The following MRTFA variants were observed in gnomAD, a reference collection of about 807,000 sequenced individuals.
MRTFA encodes myocardin-related transcription factor A.
Under a neutral mutation model 83.5 loss-of-function variants are expected in MRTFA, and 20 were observed. The observed-to-expected ratio is 0.24, with a 90% CI of 0.17 to 0.35. MRTFA has a LOEUF of 0.35. MRTFA is among the 10% of genes least tolerant of loss of function. The probability of loss-of-function intolerance (pLI) is 1.00; values close to 1 mark genes in which losing one functional copy is unlikely to be tolerated. For synonymous variants in MRTFA, 659 were observed against 541.2 expected (o/e 1.22, Z -3.02); for missense variants, 1,200 against 1,224.7 (o/e 0.98, Z 0.30).
intron 7 of MRTFA, among the ~76,000 whole-genome samples, chr22:40,425,822 C>T (rs1313126964): frequency 6.6e-6 from 1 of 152,178 alleles, no homozygotes; most frequent in Non-Finnish European, 1.5e-5. Context: ...TTAGTCCAAC[C>T]CAAGGAAGCT....
chr22:40,604,701 C>T (rs1404666727), intron 1 of MRTFA, among the ~76,000 whole-genome samples: 1 of 151,852 alleles, frequency 6.6e-6, no homozygotes, highest in Non-Finnish European at 1.5e-5. Flanking sequence ...GAGCCAAGAT[C>T]GCGCCATTGC....
chr22:40,596,541 C>A (rs1431232900), intron 1 of MRTFA, among the ~76,000 whole-genome samples: 3 of 152,132 alleles, frequency 2.0e-5, no homozygotes, highest in Admixed American at 2.0e-4. Context: ...GTGACTCACG[C>A]CTGTAATCCC....
intron 1 of MRTFA, among the ~76,000 whole-genome samples, chr22:40,601,608 G>C (rs1484776769): frequency 6.6e-6 from 1 of 152,008 alleles, no homozygotes; most frequent in Non-Finnish European, 1.5e-5. Flanking sequence ...TTTATAATAA[G>C]TTAATTTCAG....
chr22:40,509,867 G>A (rs2054638021), intron 3 of MRTFA, among the ~76,000 whole-genome samples: 1 of 150,144 alleles, frequency 6.7e-6, no homozygotes, highest in African/African-American at 2.5e-5. Flanking sequence ...AAGGCCATGA[G>A]GTTAAACATT....
chr22:40,437,840 G>A (rs1448203228), intron 4 of MRTFA, among the ~76,000 whole-genome samples: 1 of 151,186 alleles, frequency 6.6e-6, no homozygotes, highest in Non-Finnish European at 1.5e-5. Context: ...TTTACAACAT[G>A]TCCCCATCAG....
In MRTFA at chr22:40,420,003, C is replaced by T. The variant is rs575046770; in HGVS notation, c.1353+402G>A. The stretch of plus-strand genomic sequence containing the variant: ...GGTTGCTACTGGACAGTCCTGTCTA[C>T]ACTGACCAGGTCTGCGACTGTGGAC... On this transcript the variant is annotated intron_variant, in intron 11 of 14. Coordinates refer to ENST00000355630, the MANE Select transcript of MRTFA (RefSeq NM_020831.6). Among the ~76,000 whole-genome samples, 15 of 152,344 alleles carry T rather than the reference C, an allele frequency of 9.8e-5. No individual in the cohort carries two copies. The South Asian group carries it at 2.9e-3, about 29-fold the overall frequency.
intron 2 of MRTFA, among the ~76,000 whole-genome samples, chr22:40,558,914 T>C (rs529246381): frequency 1.3e-5 from 2 of 151,570 alleles, no homozygotes; most frequent in African/African-American, 4.8e-5. Context: ...GCCTCCCGAG[T>C]AGCTGGGATT....
In MRTFA at chr22:40,561,212, CTGTG is replaced by C. The variant is rs60830555; in HGVS notation, c.-21-8849_-21-8846del. ...TGGGTATCTCTGTGTGTGTGTGTGT[CTGTG>C]TGTGTGTGTGTGTGTGTGTAAAATC... On this transcript the variant is annotated intron_variant, in intron 2 of 14. Transcript: ENST00000355630. Among the ~76,000 whole-genome samples the C allele has an allele frequency of 9.9e-4, 145 of 145,926 alleles. No individual in the cohort carries two copies. In the East Asian group the frequency reaches 0.013, roughly 13 times the overall value.
chr22:40,470,277 A>ATATATG (rs2053885665), intron 3 of MRTFA, among the ~76,000 whole-genome samples: 2 of 116,452 alleles, frequency 1.7e-5, no homozygotes, highest in African/African-American at 3.3e-5. Context: ...ATATATATAT[A>ATATATG]TATAAAGAAA....
chr22:40,501,959 G>A (rs1341545729), intron 3 of MRTFA, among the ~76,000 whole-genome samples: 4 of 120,484 alleles, frequency 3.3e-5, no homozygotes, highest in Admixed American at 7.5e-5. Flanking sequence ...CCTCCCAGAC[G>A]GGGCGGCTGG....
chr22:40,416,554 G>C lies in MRTFA; in HGVS notation c.2578+432C>G, dbSNP rs540883522. Among the ~76,000 whole-genome samples, 1 of 152,170 alleles carries C rather than the reference G, an allele frequency of 6.6e-6. No individual in the cohort carries two copies. Among genetic ancestry groups the C allele is most frequent in the Non-Finnish European group, 1.5e-5 (1 of 68,028 alleles). ...CAACCCGCCAGGTACTCCCGAGGCCGCACAGATGCACACAGCTGCCCCTGC... is the reference window on the plus strand; with the variant it reads ...CAACCCGCCAGGTACTCCCGAGGCCCCACAGATGCACACAGCTGCCCCTGC... On this transcript the variant is annotated intron_variant, in intron 14 of 14. Coordinates refer to ENST00000355630, the MANE Select transcript of MRTFA (RefSeq NM_020831.6). This position sits in a 1 kb window ranked among gnomAD's most constrained non-coding sequence, Gnocchi z 4.2.
At chr22:40,597,086 T>C (rs940235995) in intron 1 of MRTFA, among the ~76,000 whole-genome samples, 2 of 152,196 alleles carry the variant, frequency 1.3e-5, no homozygotes, top group African/African-American at 4.8e-5. Context: ...TGTCCCCAGG[T>C]TTTCTTCTTC....
At chr22:40,451,512 T>C (rs1190885552) in intron 4 of MRTFA, among the ~76,000 whole-genome samples, 1 of 152,128 alleles carries the variant, frequency 6.6e-6, no homozygotes, top group Non-Finnish European at 1.5e-5. Flanking sequence ...AGAATGAATG[T>C]AAGAAGTGGA....
intron 3 of MRTFA, among the ~76,000 whole-genome samples, chr22:40,482,501 A>C (rs992448056): frequency 1.3e-5 from 2 of 152,074 alleles, no homozygotes; most frequent in South Asian, 4.1e-4. Context: ...TGTGCAACCA[A>C]CTCCATCATG....
intron 3 of MRTFA, among the ~76,000 whole-genome samples, chr22:40,501,978 G>A (rs1226291721): frequency 5.2e-5 from 6 of 115,798 alleles, no homozygotes; most frequent in African/African-American, 1.4e-4. Context: ...GGCCGGGCGG[G>A]GGGCTGACCC....
At chr22:40,603,375 T>G (rs2056281814) in intron 1 of MRTFA, among the ~76,000 whole-genome samples, 1 of 152,200 alleles carries the variant, frequency 6.6e-6, no homozygotes, top group African/African-American at 2.4e-5. Context: ...GATCTCCAAA[T>G]GGAAAAACTT....
intron 2 of MRTFA, among the ~76,000 whole-genome samples, chr22:40,588,902 A>G (rs1188256327): frequency 6.6e-6 from 1 of 152,176 alleles, no homozygotes; most frequent in African/African-American, 2.4e-5. Context: ...TGACTGCTTG[A>G]GTCCAGGAGT....
intron 1 of MRTFA, among the ~76,000 whole-genome samples, chr22:40,615,456 T>C (rs2056437557): frequency 6.6e-6 from 1 of 152,228 alleles, no homozygotes; most frequent in African/African-American, 2.4e-5. Flanking sequence ...ATAGGTCCCT[T>C]GTATTTCCAT....
intron 3 of MRTFA, among the ~76,000 whole-genome samples, chr22:40,489,771 G>A (rs905136186): frequency 8.6e-5 from 13 of 152,030 alleles, no homozygotes; most frequent in Non-Finnish European, 1.5e-4. Context: ...TTGAGGTCAG[G>A]AGTTCGAGAC....
Sources: allele counts gnomAD v4.1 joint callset (sites outside exome capture counted in the v4.1 genomes callset), GRCh38; gene constraint gnomAD v4.1.1; non-coding constraint Gnocchi (gnomAD v3.1); transcripts MANE v1.5; gene names NCBI Gene and HGNC (gene_info 2026-07-23, HGNC 2026-07-21).